The following DCC variants were observed in gnomAD, a reference collection of about 807,000 sequenced individuals.
DCC encodes the protein DCC netrin 1 receptor.
In DCC, 58 loss-of-function variants were observed where a neutral mutation model predicts 172.5. The observed-to-expected ratio is 0.34, with a 90% CI of 0.27 to 0.42. DCC has a LOEUF of 0.42. Among genes scored for constraint, DCC ranks in the 10% least tolerant of loss-of-function variants. The pLI is 1.00. For missense variants in DCC, 1,740 were observed against 1,791.0 expected (o/e 0.97, Z 0.51); for synonymous variants, 709 against 644.5 (o/e 1.10, Z -1.52).
intron 5 of DCC, among the ~76,000 whole-genome samples, chr18:53,028,025 A>T (rs2041979834): frequency 1.3e-5 from 2 of 152,138 alleles, no homozygotes; most frequent in Admixed American, 6.6e-5. Context: ...ATATTAGGGA[A>T]CATTTAGCAG....
chr18:53,422,806 T>C (rs1283293955), intron 21 of DCC, among the ~76,000 whole-genome samples: 6 of 152,166 alleles, frequency 3.9e-5, no homozygotes, highest in African/African-American at 1.2e-4. Context: ...TGCCTTCTGA[T>C]GGGAGCTGTT....
intron 5 of DCC, among the ~76,000 whole-genome samples, chr18:53,012,590 C>A (rs1469354205): frequency 6.6e-6 from 1 of 151,888 alleles, no homozygotes; most frequent in Non-Finnish European, 1.5e-5. Context: ...TTGGTGTAGA[C>A]ATATACATAA....
At chr18:53,450,014 G>A (rs538286106) in intron 22 of DCC, among the ~76,000 whole-genome samples, 2 of 151,882 alleles carry the variant, frequency 1.3e-5, no homozygotes, top group Admixed American at 6.6e-5. Flanking sequence ...GTCCTTTTGT[G>A]TCTGGCTTCT....
At chr18:52,399,385 T>A (rs924305282) in intron 1 of DCC, among the ~76,000 whole-genome samples, 1 of 151,892 alleles carries the variant, frequency 6.6e-6, no homozygotes, top group Non-Finnish European at 1.5e-5. Context: ...TATAAGCAGA[T>A]AAGAAAATGT....
At chr18:52,474,424 T>G (rs769115903) in intron 1 of DCC, among the ~76,000 whole-genome samples, 1 of 152,166 alleles carries the variant, frequency 6.6e-6, no homozygotes, top group African/African-American at 2.4e-5. Flanking sequence ...ATGCTTACCC[T>G]CTGCCTTCTC....
intron 14 of DCC, among the ~76,000 whole-genome samples, chr18:53,333,817 A>T (rs185600985): frequency 4.6e-5 from 7 of 152,226 alleles, no homozygotes; most frequent in African/African-American, 1.7e-4. Context: ...TAAATACCAC[A>T]TATATGCTGA....
intron 1 of DCC, among the ~76,000 whole-genome samples, chr18:52,650,416 T>C (rs1056647687): frequency 1.1e-4 from 17 of 152,304 alleles, no homozygotes; most frequent in African/African-American, 4.1e-4. Context: ...ATTTGGGTGA[T>C]GGTTACACTA....
intron 7 of DCC, among the ~76,000 whole-genome samples, chr18:53,089,043 T>C (rs1165826777): frequency 6.6e-6 from 1 of 152,156 alleles, no homozygotes; most frequent in East Asian, 1.9e-4. Flanking sequence ...TAGTTATTAG[T>C]TTTATAAATC....
At chr18:52,824,283 T>G (rs1002655411) in intron 2 of DCC, among the ~76,000 whole-genome samples, 2 of 152,194 alleles carry the variant, frequency 1.3e-5, no homozygotes, top group Non-Finnish European at 2.9e-5. Context: ...TCCTTGTGTC[T>G]TGTGAATGAT....
intron 13 of DCC, among the ~76,000 whole-genome samples, chr18:53,309,545 T>A (rs1383277620): frequency 6.6e-6 from 1 of 152,172 alleles, no homozygotes; most frequent in African/African-American, 2.4e-5. Flanking sequence ...TCAAGGACAA[T>A]CATTTTGAAT....
intron 2 of DCC, among the ~76,000 whole-genome samples, chr18:52,764,503 G>A (rs2037212996): frequency 6.6e-6 from 1 of 152,188 alleles, no homozygotes; most frequent in African/African-American, 2.4e-5. Context: ...ATGAGCTCTT[G>A]CTTTATTAGT....
At chr18:52,662,551 AAGGG>A (rs367898261) in intron 1 of DCC, among the ~76,000 whole-genome samples, 33 of 91,446 alleles carry the variant, frequency 3.6e-4, no homozygotes, top group Middle Eastern at 4.8e-3. Context: ...AAAGGAAGGA[AAGGG>A]AGGGAGGGAG....
At chr18:52,859,037 T>A (rs1052591198) in intron 2 of DCC, among the ~76,000 whole-genome samples, 11 of 152,200 alleles carry the variant, frequency 7.2e-5, no homozygotes, top group Non-Finnish European at 1.2e-4. Flanking sequence ...GCCCATTGGC[T>A]CATGCCTGCC....
At chr18:53,421,912 C>T (rs539009381) in intron 21 of DCC, among the ~76,000 whole-genome samples, 1 of 152,240 alleles carries the variant, frequency 6.6e-6, no homozygotes, top group African/African-American at 2.4e-5. Flanking sequence ...TGTGCACATG[C>T]AATCCTATTT....
intron 2 of DCC, among the ~76,000 whole-genome samples, chr18:52,815,070 G>A (rs12605744): frequency 0.33 from 50,755 of 151,966 alleles, 10,418 homozygotes; most frequent in East Asian, 0.65. Flanking sequence ...GGGGTGGGCT[G>A]GGGGTATCTA....
At position 52,479,039 on chromosome 18, in the gene DCC, C is replaced by T. The variant is rs184617837; in HGVS notation, c.91+138161C>T. Among the ~76,000 whole-genome samples the T allele has an allele frequency of 6.2e-4, 95 of 152,216 alleles. 1 individual carries two copies. Among genetic ancestry groups the T allele is most frequent in the African/African-American group, 2.2e-3 (90 of 41,546 alleles). ...TTGCTAAAAAGTTCACCTTTACCACCTGAGAGGTATTATCTTTGGACAAGT... is the reference window on the plus strand; with the variant it reads ...TTGCTAAAAAGTTCACCTTTACCACTTGAGAGGTATTATCTTTGGACAAGT... On this transcript the variant is annotated intron_variant, in intron 1 of 28. Coordinates refer to ENST00000442544, the MANE Select transcript of DCC (RefSeq NM_005215.4).
chr18:53,250,044 C>A (rs1042325647), intron 12 of DCC, among the ~76,000 whole-genome samples: 4 of 151,904 alleles, frequency 2.6e-5, no homozygotes, highest in Non-Finnish European at 5.9e-5. Flanking sequence ...TTCAGATACT[C>A]TATGATGTTG....
chr18:53,526,875 T>G lies in DCC; in HGVS notation c.4254+116T>G, dbSNP rs148984485. On this transcript the variant is annotated intron_variant, in intron 28 of 28. Transcript: ENST00000442544. Reference sequence around the variant, plus strand: ...ACCCCAGGCCACCCCAGGCCATTGTTGTTCTTATTGTTGTTTGTTCCTTTG... The same window carrying G: ...ACCCCAGGCCACCCCAGGCCATTGTGGTTCTTATTGTTGTTTGTTCCTTTG... 24 of 246,656 alleles carry G rather than the reference T, an allele frequency of 9.7e-5. No homozygotes were observed. In the Admixed American group the frequency reaches 1.9e-3, roughly 20 times the overall value. The allele number at this position is 246,656 out of a possible 1,614,324, so 15.3% of individuals were successfully genotyped here. A position where few individuals can be genotyped will look rare whatever the true frequency, so the allele number is the denominator to read the frequency against.
At chr18:53,134,518 T>C (rs1394865644) in intron 7 of DCC, among the ~76,000 whole-genome samples, 2 of 152,118 alleles carry the variant, frequency 1.3e-5, no homozygotes, top group Admixed American at 1.3e-4. Context: ...AGATTTGTTT[T>C]CAGGTTATTG....
Sources: allele counts gnomAD v4.1 joint callset (sites outside exome capture counted in the v4.1 genomes callset), GRCh38; gene constraint gnomAD v4.1.1; transcripts MANE v1.5; gene names NCBI Gene and HGNC (gene_info 2026-07-23, HGNC 2026-07-21).